Variants in N4BP3 observed in about 807,000 individuals in gnomAD.
N4BP3 encodes the protein NEDD4-binding protein 3.
N4BP3 carries 33 observed loss-of-function variants against 43.8 expected under a neutral mutation model. The ratio of observed to expected loss-of-function variants is 0.75; its 90% CI spans 0.57 to 1.01. N4BP3 has a LOEUF of 1.01. Ranked by LOEUF, N4BP3 falls within the 50% of genes least tolerant of loss-of-function variation. N4BP3 has a pLI of 0.00. For missense variants in N4BP3, 756 were observed against 744.2 expected, an observed-to-expected ratio of 1.02 and a Z score of -0.18; for synonymous variants, 326 against 321.9, an observed-to-expected ratio of 1.01 and a Z score of -0.14.
At position 178,120,119 on chromosome 5, in the gene N4BP3, G is replaced by A; in HGVS notation, c.331-59G>A. ...TCAGGGGCTGTGAGAGCATCAGGAGGTAGAGCAGGCAGCTGCCCAGGTCTC... is the reference window on the plus strand; with the variant it reads ...TCAGGGGCTGTGAGAGCATCAGGAGATAGAGCAGGCAGCTGCCCAGGTCTC... On this transcript the variant is annotated intron_variant, in intron 2 of 4. Coordinates refer to ENST00000274605, the MANE Select transcript of N4BP3 (RefSeq NM_015111.2). The A allele has an allele frequency of 3.3e-6, 5 of 1,519,594 alleles. No homozygotes were observed. In the South Asian group the frequency reaches 6.6e-5, roughly 20 times the overall value. 94.1% of individuals were successfully genotyped at this position (1,519,594 alleles called of 1,614,324 possible). A position where few individuals can be genotyped will look rare whatever the true frequency, so the allele number is the denominator to read the frequency against.
Position 178,126,041 on chromosome 5 carries a change from A to G in N4BP3, c.*4040A>G, listed in dbSNP as rs1451731144. The G allele has an allele frequency of 6.6e-6, 1 of 152,242 alleles. No individual in the cohort carries two copies. The highest frequency in any genetic ancestry group is 2.1e-4 in the South Asian group (1 of 4,834). The allele number at this position is 152,242 out of a possible 1,614,324, so 9.4% of individuals were successfully genotyped here. ...GAATGAAGAGCCAGAAATAGATTCT[A>G]TTCTGTAGAAAATCTTACACAATAA... On this transcript the variant is annotated 3_prime_UTR_variant, in exon 5 of 5. Coordinates refer to ENST00000274605, the MANE Select transcript of N4BP3 (RefSeq NM_015111.2).
chr5:178,121,819 C>T lies in N4BP3; in HGVS notation c.1453C>T (p.Arg485Cys), dbSNP rs1318370005. 6.2e-6 allele frequency: 10 copies of T among 1,608,764 alleles called. No individual in the cohort carries two copies. The highest frequency in any genetic ancestry group is 4.0e-5 in the African/African-American group (3 of 74,906). The change falls in exon 5 of 5, where the codon CGC (arginine) becomes TGC (cysteine). Residue 485 changes from arginine to cysteine, a missense_variant. Transcript: ENST00000274605. ...ACTTCGGGGCCAGGAGCAGGCGCTG[C>T]GCTTTGAGCAGGAGCGGCGGACTTG... ...ERLRGQEQAL[R>C]FEQERRTWQE...
Position 178,119,865 on chromosome 5 carries a change from G to T in N4BP3, c.282G>T (p.Ala94=). 1.2e-6 allele frequency: 2 copies of T among 1,612,338 alleles called. No homozygotes were observed. Among genetic ancestry groups the T allele is most frequent in the Non-Finnish European group, 1.7e-6 (2 of 1,179,918 alleles). The change falls in exon 2 of 5, where the codon GCG becomes GCT. Residue 94 remains alanine (A), a synonymous_variant. Transcript: ENST00000274605. The part of the protein sequence containing the change: ...ATLYYREHSR[A]GDFSKTSLPE... The stretch of plus-strand genomic sequence containing the variant: ...TCTACTACCGGGAACATTCTCGCGC[G>T]GGTGACTTCAGCAAGACCTCGCTGC...
At chr5:178,115,834 G>A (rs932796254) in intron 1 of N4BP3, among the ~76,000 whole-genome samples, 4 of 152,206 alleles carry the variant, frequency 2.6e-5, no homozygotes, top group African/African-American at 4.8e-5. Flanking sequence ...GGATTGGTCC[G>A]AAAGCAATTC....
chr5:178,121,719 C>T lies in N4BP3; in HGVS notation c.1353C>T (p.Gly451=), dbSNP rs753415385. The part of the protein sequence containing the change: ...SCETDDCKSR[G]LLGEAGGSEA... Reference sequence around the variant, plus strand: ...AGACTGATGACTGCAAGAGCAGGGGCCTGCTAGGGGAGGCAGGAGGCAGCG... The same window carrying T: ...AGACTGATGACTGCAAGAGCAGGGGTCTGCTAGGGGAGGCAGGAGGCAGCG... The change falls in exon 5 of 5, where the codon GGC becomes GGT. Residue 451 remains glycine, a synonymous_variant. Transcript: ENST00000274605. 108 of 1,608,896 alleles carry T rather than the reference C, an allele frequency of 6.7e-5. No individual in the cohort carries two copies. Among genetic ancestry groups the T allele is most frequent in the Non-Finnish European group, 8.6e-5 (102 of 1,179,836 alleles).
In N4BP3 at chr5:178,119,896, C is replaced by G. The variant is rs1010484035; in HGVS notation, c.313C>G (p.Arg105Gly). 161 of 1,607,046 alleles carry G rather than the reference C, an allele frequency of 1.0e-4. No homozygotes were observed. Among genetic ancestry groups the G allele is most frequent in the Non-Finnish European group, 1.2e-4 (144 of 1,178,424 alleles). The part of the protein sequence containing the change: ...GDFSKTSLPE[R>G]GRFDKCRIRP... Reference sequence around the variant, plus strand: ...CTTCAGCAAGACCTCGCTGCCAGAACGGGGTCGCTTTGACAAGGTGCACCT... The same window carrying G: ...CTTCAGCAAGACCTCGCTGCCAGAAGGGGGTCGCTTTGACAAGGTGCACCT... Residue 105 changes from arginine (R) to glycine (G), a missense_variant, in exon 2 of 5, where the codon CGG becomes GGG. By Grantham distance (125) the Arg-to-Gly change is moderately radical. Transcript: ENST00000274605.
Position 178,122,101 on chromosome 5 carries a change from G to C in N4BP3, c.*100G>C, listed in dbSNP as rs1168504182. The C allele has an allele frequency of 1.0e-5, 14 of 1,394,590 alleles. No homozygotes were observed. Among genetic ancestry groups the C allele is most frequent in the Non-Finnish European group, 1.3e-5 (14 of 1,055,048 alleles). The allele number at this position is 1,394,590 out of a possible 1,614,324, so 86.4% of individuals were successfully genotyped here. A position where few individuals can be genotyped will look rare whatever the true frequency, so the allele number is the denominator to read the frequency against. On this transcript the variant is annotated 3_prime_UTR_variant, in exon 5 of 5. Transcript: ENST00000274605. ...ACTGGTTGGGGTGGAACCTGCAGAG[G>C]CCAGCCCGGGGCTGGGGAGGCGCAA...
chr5:178,122,553 T>C lies in N4BP3; in HGVS notation c.*552T>C, dbSNP rs1208455681. 6.4e-6 allele frequency: 1 copy of C among 155,450 alleles called. No homozygotes were observed. The highest frequency in any genetic ancestry group is 2.4e-5 in the African/African-American group (1 of 41,456). The allele number at this position is 155,450 out of a possible 1,614,324, so 9.6% of individuals were successfully genotyped here. A position where few individuals can be genotyped will look rare whatever the true frequency, so the allele number is the denominator to read the frequency against. ...CTGCATGGCCACTGGGCATGTGTGT[T>C]GGGAGCAGAGGAGTCCTACTCCTTG... On this transcript the variant is annotated 3_prime_UTR_variant, in exon 5 of 5. Transcript: ENST00000274605.
intron 1 of N4BP3, among the ~76,000 whole-genome samples, chr5:178,116,668 G>A (rs989195585): frequency 6.6e-6 from 1 of 152,216 alleles, no homozygotes; most frequent in Admixed American, 6.5e-5. Flanking sequence ...ACCGTGGCGT[G>A]TGTGGTTGTA....
In N4BP3 at chr5:178,114,053, G is replaced by A. The variant is rs1757711647; in HGVS notation, c.-31+282G>A. On this transcript the variant is annotated intron_variant, in intron 1 of 4. Transcript: ENST00000274605. Reference sequence around the variant, plus strand: ...TGCTCTCCCCAACCCCTGCAAACGCGCTTTCCAGGGAGCAGCGCGCGGGAC... The same window carrying A: ...TGCTCTCCCCAACCCCTGCAAACGCACTTTCCAGGGAGCAGCGCGCGGGAC... Among the ~76,000 whole-genome samples, 3 of 152,152 alleles carry A rather than the reference G, an allele frequency of 2.0e-5. No homozygotes were observed. In the South Asian group the frequency reaches 6.2e-4, roughly 32 times the overall value.
chr5:178,119,649 G>C lies in N4BP3; in HGVS notation c.66G>C (p.Gln22His). ...MGSVGSLLER[Q>H]DFSPEELRAA... ...GCGTGGGCAGCCTGTTGGAACGGCAGGACTTCTCCCCTGAAGAGCTGCGGG... is the reference window on the plus strand; with the variant it reads ...GCGTGGGCAGCCTGTTGGAACGGCACGACTTCTCCCCTGAAGAGCTGCGGG... Residue 22 changes from glutamine (Q) to histidine (H), a missense_variant, in exon 2 of 5, where the codon CAG (glutamine) becomes CAC (histidine). Gln to His is a conservative substitution (Grantham distance 24). Coordinates refer to ENST00000274605, the MANE Select transcript of N4BP3 (RefSeq NM_015111.2). The C allele has an allele frequency of 6.3e-7, 1 of 1,596,682 alleles. No homozygotes were observed. Among genetic ancestry groups the C allele is most frequent in the African/African-American group, 1.3e-5 (1 of 74,682 alleles).
chr5:178,115,218 T>C (rs1757745342), intron 1 of N4BP3, among the ~76,000 whole-genome samples: 1 of 152,200 alleles, frequency 6.6e-6, no homozygotes, highest in South Asian at 2.1e-4. Context: ...TGAAGCACTA[T>C]ATGGTGATAC....
chr5:178,124,095 G>A lies in N4BP3; in HGVS notation c.*2094G>A, dbSNP rs1334810063. ...GAGGGCCCCTCAGAGCCAGGTGCTG[G>A]CCAGATGCCTTGATCACAGCCTCCA... On this transcript the variant is annotated 3_prime_UTR_variant, in exon 5 of 5. Coordinates refer to ENST00000274605, the MANE Select transcript of N4BP3 (RefSeq NM_015111.2). The A allele has an allele frequency of 1.3e-5, 2 of 152,764 alleles. No individual in the cohort carries two copies. Among genetic ancestry groups the A allele is most frequent in the African/African-American group, 4.8e-5 (2 of 41,468 alleles). 9.5% of individuals were successfully genotyped at this position (152,764 alleles called of 1,614,324 possible).
At position 178,121,290 on chromosome 5, in the gene N4BP3, G is replaced by T; in HGVS notation, c.1045G>T (p.Ala349Ser). 2 of 1,606,354 alleles carry T rather than the reference G, an allele frequency of 1.2e-6. No homozygotes were observed. The highest frequency in any genetic ancestry group is 1.7e-6 in the Non-Finnish European group (2 of 1,175,754). The part of the protein sequence containing the change: ...AQQGLAPEPR[A>S]PGTLPEADPS... Reference sequence around the variant, plus strand: ...GCAGGGCCTGGCTCCGGAGCCTCGGGCCCCCGGCACCCTCCCAGAGGCTGA... The same window carrying T: ...GCAGGGCCTGGCTCCGGAGCCTCGGTCCCCCGGCACCCTCCCAGAGGCTGA... Residue 349 changes from alanine (A) to serine (S), a missense_variant, in exon 4 of 5, where the codon GCC (alanine) becomes TCC (serine). Physicochemically the swap from Ala to Ser is moderately conservative, Grantham distance 99. Transcript: ENST00000274605.
chr5:178,122,152 T>C lies in N4BP3; in HGVS notation c.*151T>C. On this transcript the variant is annotated 3_prime_UTR_variant, in exon 5 of 5. Coordinates refer to ENST00000274605, the MANE Select transcript of N4BP3 (RefSeq NM_015111.2). ...GGAGAGGAGGGATCCAGTGGGGCCG[T>C]GGGCTGGGTAGGGTGCCTTGGCAGG... 9.8e-7 allele frequency: 1 copy of C among 1,024,252 alleles called. No individual in the cohort carries two copies. The highest frequency in any genetic ancestry group is 1.4e-6 in the Non-Finnish European group (1 of 728,866). 63.4% of individuals were successfully genotyped at this position (1,024,252 alleles called of 1,614,324 possible).
In N4BP3 at chr5:178,119,830, T is replaced by G; in HGVS notation, c.247T>G (p.Tyr83Asp). 2 of 1,613,256 alleles carry G rather than the reference T, an allele frequency of 1.2e-6. No individual in the cohort carries two copies. The highest frequency in any genetic ancestry group is 1.7e-6 in the Non-Finnish European group (2 of 1,180,002). The change falls in exon 2 of 5, where the codon TAT (tyrosine) becomes GAT (aspartate). Residue 83 changes from tyrosine (Y) to aspartate (D), a missense_variant. Coordinates refer to ENST00000274605, the MANE Select transcript of N4BP3 (RefSeq NM_015111.2). ...KRAPRNEPAD[Y>D]ATLYYREHSR... is the part of the protein sequence containing the mutation. ...GGCCCCTCGGAACGAGCCTGCCGAC[T>G]ATGCCACCCTCTACTACCGGGAACA...
Position 178,120,294 on chromosome 5 carries a change from G to A in N4BP3, c.447G>A (p.Leu149=), listed in dbSNP as rs199556357. The part of the protein sequence containing the change: ...GQKLWRSNGS[L]HTLACHPPLS... Reference sequence around the variant, plus strand: ...AGCTGTGGCGCAGCAATGGCAGCCTGCACACGCTGGCCTGCCACCCGCCCC... The same window carrying A: ...AGCTGTGGCGCAGCAATGGCAGCCTACACACGCTGGCCTGCCACCCGCCCC... The change falls in exon 3 of 5, where the codon CTG becomes CTA. Residue 149 remains leucine (L), a synonymous_variant. Coordinates refer to ENST00000274605, the MANE Select transcript of N4BP3 (RefSeq NM_015111.2). 3 of 1,609,274 alleles carry A rather than the reference G, an allele frequency of 1.9e-6. No individual in the cohort carries two copies. The African/African-American group carries it at 4.0e-5, about 21-fold the overall frequency.
chr5:178,113,815 G>A lies in N4BP3; in HGVS notation c.-31+44G>A, dbSNP rs565965032. ...GGGCTGGGGACCCGGGCTGGACTCG[G>A]GGGGTGGGGAGGGGTGGGGCGGGTC... is the stretch of plus-strand genomic sequence containing the variant. On this transcript the variant is annotated intron_variant, in intron 1 of 4. Coordinates refer to ENST00000274605, the MANE Select transcript of N4BP3 (RefSeq NM_015111.2). 3 of 152,102 alleles carry A rather than the reference G, an allele frequency of 2.0e-5. No homozygotes were observed. The South Asian group carries it at 6.2e-4, about 32-fold the overall frequency. The allele number at this position is 152,102 out of a possible 1,614,324, so 9.4% of individuals were successfully genotyped here.
Position 178,119,788 on chromosome 5 carries a change from A to G in N4BP3, c.205A>G (p.Thr69Ala). Residue 69 changes from threonine to alanine, a missense_variant, in exon 2 of 5, where the codon ACC (threonine) becomes GCC (alanine). Coordinates refer to ENST00000274605, the MANE Select transcript of N4BP3 (RefSeq NM_015111.2). ...CCTCCCCAAGAAGGACAGCAAGAGC[A>G]CCAAGAACACCAAGCGGGCCCCTCG... ...LHLPKKDSKS[T>A]KNTKRAPRNE... is the part of the protein sequence containing the mutation. 2 of 1,613,516 alleles carry G rather than the reference A, an allele frequency of 1.2e-6. No individual in the cohort carries two copies. The highest frequency in any genetic ancestry group is 1.1e-5 in the South Asian group (1 of 91,082).
Sources: allele counts gnomAD v4.1 joint callset (sites outside exome capture counted in the v4.1 genomes callset), GRCh38; gene constraint gnomAD v4.1.1; transcripts MANE v1.5; gene names NCBI Gene and HGNC (gene_info 2026-07-23, HGNC 2026-07-21).